Variants in CACUL1 observed in about 807,000 individuals in gnomAD.
CACUL1 encodes CDK2-associated and cullin domain-containing protein 1.
Under a neutral mutation model 45.2 loss-of-function variants are expected in CACUL1, and 13 were observed. The ratio of observed to expected loss-of-function variants is 0.29; its 90% CI spans 0.19 to 0.46. CACUL1 has a LOEUF of 0.46. Among genes scored for constraint, CACUL1 ranks in the 20% least tolerant of loss-of-function variants. The pLI, the probability that CACUL1 is intolerant of heterozygous loss-of-function variation, is 1.00. For missense variants in CACUL1, 421 were observed against 471.4 expected, an observed-to-expected ratio of 0.89 and a Z score of 0.99; for synonymous variants, 197 against 174.2, an observed-to-expected ratio of 1.13 and a Z score of -1.03.
At chr10:118,750,426 C>T (rs978159371) in intron 1 of CACUL1, among the ~76,000 whole-genome samples, 6 of 152,126 alleles carry the variant, frequency 3.9e-5, no homozygotes, top group Non-Finnish European at 4.4e-5. Context: ...GGATTATCAT[C>T]GATCAAATCC....
At chr10:118,711,815 C>T (rs1845488398) in intron 3 of CACUL1, among the ~76,000 whole-genome samples, 1 of 152,118 alleles carries the variant, frequency 6.6e-6, no homozygotes, top group South Asian at 2.1e-4. Flanking sequence ...TTTCATGTAG[C>T]CCTTATTCAA....
chr10:118,702,182 C>T (rs541222149), intron 4 of CACUL1, among the ~76,000 whole-genome samples: 1 of 152,264 alleles, frequency 6.6e-6, no homozygotes, highest in East Asian at 1.9e-4. Flanking sequence ...ACAGAACAAC[C>T]CCTTTGACTG....
intron 4 of CACUL1, among the ~76,000 whole-genome samples, chr10:118,705,649 A>G (rs763069892): frequency 8.6e-5 from 13 of 151,968 alleles, no homozygotes; most frequent in Non-Finnish European, 1.8e-4. Flanking sequence ...GCAAGACCTT[A>G]GTTACAATTT....
intron 1 of CACUL1, among the ~76,000 whole-genome samples, chr10:118,736,193 TAAG>T (rs996456275): frequency 2.6e-5 from 4 of 152,130 alleles, no homozygotes; most frequent in African/African-American, 4.8e-5. Flanking sequence ...ATAGAAAGTA[TAAG>T]AAGTAAAAGC....
At chr10:118,738,949 G>C (rs1323749039) in intron 1 of CACUL1, among the ~76,000 whole-genome samples, 1 of 134,852 alleles carries the variant, frequency 7.4e-6, no homozygotes, top group Non-Finnish European at 1.5e-5. Context: ...TGTAATCCCA[G>C]CACTTTTGGA....
intron 5 of CACUL1, among the ~76,000 whole-genome samples, chr10:118,696,884 C>T (rs991514313): frequency 4.6e-5 from 7 of 152,222 alleles, no homozygotes; most frequent in Non-Finnish European, 8.8e-5. Flanking sequence ...ATTAGCCTTG[C>T]TCCCACTAAC....
chr10:118,708,135 G>A (rs34715298), intron 3 of CACUL1, among the ~76,000 whole-genome samples: 37,375 of 111,934 alleles, frequency 0.33, 6,139 homozygotes, highest in Middle Eastern at 0.49. Context: ...GTGACAGAGC[G>A]AAACACTGTC....
rs1379915983 is a variant in CACUL1 at position 118,681,376 on chromosome 10, G to T, written c.*4752C>A. ...ACATTTGAGTAAGTTATCCTGAAGT[G>T]TGTGGCTGTAATATTGACAAATAGA... On this transcript the variant is annotated 3_prime_UTR_variant, in exon 9 of 9. Transcript: ENST00000369151. 1 of 152,184 alleles carries T rather than the reference G, an allele frequency of 6.6e-6. No homozygotes were observed. The highest frequency in any genetic ancestry group is 2.1e-4 in the South Asian group (1 of 4,836). The allele number at this position is 152,184 out of a possible 1,614,324, so 9.4% of individuals were successfully genotyped here.
intron 3 of CACUL1, among the ~76,000 whole-genome samples, chr10:118,722,030 T>C (rs973650544): frequency 6.6e-6 from 1 of 152,090 alleles, no homozygotes; most frequent in Admixed American, 6.5e-5. Flanking sequence ...CTTTCTGAGA[T>C]TTAAGTTACC....
At chr10:118,699,332 A>G (rs538573556) in intron 5 of CACUL1, among the ~76,000 whole-genome samples, 1 of 152,256 alleles carries the variant, frequency 6.6e-6, no homozygotes, top group African/African-American at 2.4e-5. Context: ...AAAAAGGTAT[A>G]TCCACCTTTA....
chr10:118,724,935 G>A (rs1845638351), intron 3 of CACUL1, among the ~76,000 whole-genome samples: 2 of 152,220 alleles, frequency 1.3e-5, no homozygotes, highest in Non-Finnish European at 2.9e-5. Context: ...CAACAGGCAA[G>A]TGTAGGTCCT....
intron 1 of CACUL1, among the ~76,000 whole-genome samples, chr10:118,749,937 T>G (rs1055605678): frequency 6.6e-6 from 1 of 152,212 alleles, no homozygotes; most frequent in African/African-American, 2.4e-5. Context: ...AAGGGCTAGA[T>G]GTACCCTTTC....
chr10:118,725,993 G>A (rs1295244375), intron 3 of CACUL1, among the ~76,000 whole-genome samples: 3 of 152,130 alleles, frequency 2.0e-5, no homozygotes, highest in Non-Finnish European at 2.9e-5. Flanking sequence ...TGAGGCTGAC[G>A]CCCTGTAGGT....
chr10:118,705,627 CTG>C (rs1222489890), intron 4 of CACUL1, among the ~76,000 whole-genome samples: 1 of 152,174 alleles, frequency 6.6e-6, no homozygotes, highest in African/African-American at 2.4e-5. Context: ...TATTTGACCT[CTG>C]TAACTTTCAG....
chr10:118,740,270 G>A (rs1385233643), intron 1 of CACUL1, among the ~76,000 whole-genome samples: 5 of 152,138 alleles, frequency 3.3e-5, no homozygotes, highest in African/African-American at 7.2e-5. Flanking sequence ...AGGCCCTTCC[G>A]TGAATATTTA....
At chr10:118,699,148 A>G (rs1412872165) in intron 5 of CACUL1, among the ~76,000 whole-genome samples, 1 of 152,184 alleles carries the variant, frequency 6.6e-6, no homozygotes, top group African/African-American at 2.4e-5. Context: ...CCTTTTGATG[A>G]TCACCCACAT....
At chr10:118,733,827 C>A (rs1464762118) in intron 1 of CACUL1, among the ~76,000 whole-genome samples, 1 of 146,776 alleles carries the variant, frequency 6.8e-6, no homozygotes. Context: ...CACTGGGAAA[C>A]ATGGTAAGAC....
intron 1 of CACUL1, among the ~76,000 whole-genome samples, chr10:118,741,912 T>C (rs921904367): frequency 2.6e-5 from 4 of 152,208 alleles, no homozygotes; most frequent in African/African-American, 7.2e-5. Flanking sequence ...TTCTGGGTCT[T>C]TGGCACAGGC....
Position 118,680,045 on chromosome 10 carries a change from G to A in CACUL1, c.*6083C>T, listed in dbSNP as rs1290549217. ...GGCTTAACAATTTAGGGAGGGAGAG[G>A]GCTTAATAAAGGAAAACAGATTAAA... On this transcript the variant is annotated 3_prime_UTR_variant, in exon 9 of 9. Coordinates refer to ENST00000369151, the MANE Select transcript of CACUL1 (RefSeq NM_153810.5). 1 of 151,692 alleles carries A rather than the reference G, an allele frequency of 6.6e-6. No homozygotes were observed. The highest frequency in any genetic ancestry group is 1.5e-5 in the Non-Finnish European group (1 of 67,944). 9.4% of individuals were successfully genotyped at this position (151,692 alleles called of 1,614,324 possible).
Sources: allele counts gnomAD v4.1 joint callset (sites outside exome capture counted in the v4.1 genomes callset), GRCh38; gene constraint gnomAD v4.1.1; transcripts MANE v1.5; gene names NCBI Gene and HGNC (gene_info 2026-07-23, HGNC 2026-07-21).